MAF: variants seen among roughly 807,000 people sequenced by gnomAD.
MAF encodes transcription factor Maf.
MAF carries 10 observed loss-of-function variants against 22.0 expected under a neutral mutation model. That is an observed-to-expected ratio of 0.45 (90% confidence interval 0.28 to 0.77). The LOEUF (loss-of-function observed/expected upper bound fraction) is 0.77. Ranked by LOEUF, MAF falls within the 30% of genes least tolerant of loss-of-function variation. MAF has a pLI of 0.12. For missense variants in MAF, 544 were observed against 548.4 expected (o/e 0.99, Z 0.08); for synonymous variants, 337 against 255.8 (o/e 1.32, Z -3.03).
the MAF span, among the ~76,000 whole-genome samples, chr16:79,411,144 G>T: frequency 6.6e-6 from 1 of 152,050 alleles, no homozygotes; most frequent in Non-Finnish European, 1.5e-5. Context: ...TCACTATTCA[G>T]GTGATTTTCC....
At chr16:79,263,845 G>T in the MAF span, among the ~76,000 whole-genome samples, 1 of 152,090 alleles carries the variant, frequency 6.6e-6, no homozygotes, top group African/African-American at 2.4e-5. Context: ...CAGGCATGAA[G>T]CAATCTCACT....
the MAF span, among the ~76,000 whole-genome samples, chr16:79,398,165 A>G: frequency 2.6e-5 from 4 of 151,878 alleles, no homozygotes; most frequent in Non-Finnish European, 2.9e-5. Flanking sequence ...CTTCAAATCA[A>G]ATCACTCCAA....
the MAF span, among the ~76,000 whole-genome samples, chr16:79,525,307 C>T: frequency 6.6e-6 from 1 of 152,142 alleles, no homozygotes; most frequent in Non-Finnish European, 1.5e-5. Context: ...AGTCCAGAGA[C>T]CTTGAGAACA....
the MAF span, among the ~76,000 whole-genome samples, chr16:79,555,363 T>C: frequency 1.3e-5 from 2 of 152,332 alleles, no homozygotes; most frequent in South Asian, 4.1e-4. Context: ...ATGCATTCAA[T>C]GTCTTTTGAT....
At chr16:79,453,612 G>A in the MAF span, among the ~76,000 whole-genome samples, 1 of 152,164 alleles carries the variant, frequency 6.6e-6, no homozygotes, top group Non-Finnish European at 1.5e-5. Flanking sequence ...GGAGACTGGG[G>A]GACAGGAAAA....
chr16:79,240,265 A>C, the MAF span, among the ~76,000 whole-genome samples: 1 of 151,564 alleles, frequency 6.6e-6, no homozygotes. Context: ...ATTGGAAGAC[A>C]TGGTTTTCTT....
At chr16:79,453,211 T>G in the MAF span, among the ~76,000 whole-genome samples, 32 of 152,240 alleles carry the variant, frequency 2.1e-4, no homozygotes, top group African/African-American at 6.0e-4. Context: ...CTGCCTCTAT[T>G]CTGAGGTCTC....
the MAF span, among the ~76,000 whole-genome samples, chr16:79,521,707 C>T: frequency 3.3e-5 from 5 of 152,326 alleles, no homozygotes; most frequent in South Asian, 1.0e-3. Context: ...GTCTCCGAGA[C>T]TCAGTTTTCC....
At chr16:79,528,677 G>A in the MAF span, among the ~76,000 whole-genome samples, 1 of 151,874 alleles carries the variant, frequency 6.6e-6, no homozygotes, top group Non-Finnish European at 1.5e-5. Context: ...AAAAAGAAAG[G>A]CAAGAGAGAA....
At chr16:79,239,568 T>G in the MAF span, among the ~76,000 whole-genome samples, 1 of 152,012 alleles carries the variant, frequency 6.6e-6, no homozygotes, top group Non-Finnish European at 1.5e-5. Flanking sequence ...AACCATCACC[T>G]CCACAGGGAG....
the MAF span, among the ~76,000 whole-genome samples, chr16:79,391,305 T>C: frequency 1.3e-5 from 2 of 152,048 alleles, no homozygotes; most frequent in African/African-American, 2.4e-5. Flanking sequence ...ATTTAGAAAA[T>C]GTTCACTTAG....
chr16:79,208,351 C>G, the MAF span, among the ~76,000 whole-genome samples: 220 of 150,862 alleles, frequency 1.5e-3, no homozygotes, highest in African/African-American at 4.8e-3. Context: ...CCATATACAA[C>G]CTACAGGCTT....
At chr16:79,249,657 C>G in the MAF span, among the ~76,000 whole-genome samples, 1 of 152,106 alleles carries the variant, frequency 6.6e-6, no homozygotes, top group African/African-American at 2.4e-5. Context: ...AAGACAACTC[C>G]CCTCTTTAGA....
the MAF span, among the ~76,000 whole-genome samples, chr16:79,332,362 G>A: frequency 6.6e-5 from 10 of 151,978 alleles, no homozygotes; most frequent in South Asian, 1.2e-3. Context: ...GTGCAGTGGC[G>A]CTGTCACATC....
At chr16:79,312,654 A>G in the MAF span, among the ~76,000 whole-genome samples, 1 of 152,250 alleles carries the variant, frequency 6.6e-6, no homozygotes, top group African/African-American at 2.4e-5. Flanking sequence ...CACGTCAGTT[A>G]TCAAGGTCAG....
At chr16:79,212,315 C>A in the MAF span, 1 of 844,500 alleles carries the variant, frequency 1.2e-6, no homozygotes, top group Non-Finnish European at 1.8e-6. Context: ...GGAGACAAAT[C>A]TCAGAACCTT....
At chr16:79,395,971 T>C in the MAF span, among the ~76,000 whole-genome samples, 2 of 152,160 alleles carry the variant, frequency 1.3e-5, no homozygotes, top group South Asian at 2.1e-4. Flanking sequence ...ATTTGGAGAC[T>C]GAATAATTGC....
chr16:79,253,558 C>G, the MAF span, among the ~76,000 whole-genome samples: 1 of 152,100 alleles, frequency 6.6e-6, no homozygotes, highest in African/African-American at 2.4e-5. Flanking sequence ...TTCTAAGGGC[C>G]TCCGGGGCAG....
the MAF span, among the ~76,000 whole-genome samples, chr16:79,341,728 G>A: frequency 1.3e-5 from 2 of 152,180 alleles, no homozygotes; most frequent in African/African-American, 2.4e-5. Context: ...TGGATTGCAA[G>A]GTTGAAGGAG....
Sources: allele counts gnomAD v4.1 joint callset (sites outside exome capture counted in the v4.1 genomes callset), GRCh38; gene constraint gnomAD v4.1.1; transcripts MANE v1.5; gene names NCBI Gene and HGNC (gene_info 2026-07-23, HGNC 2026-07-21).